Variants in PRR3 observed in about 807,000 individuals in gnomAD.
PRR3 encodes the protein proline-rich protein 3.
A neutral mutation model predicts 22.4 loss-of-function variants in PRR3; 16 were observed. That is an observed-to-expected ratio of 0.71 (90% confidence interval 0.48 to 1.09). PRR3 has a LOEUF of 1.09. Ranked by LOEUF, PRR3 falls within the 50% of genes least tolerant of loss-of-function variation. The pLI is 0.00. For missense variants in PRR3, 224 were observed against 243.4 expected, an observed-to-expected ratio of 0.92 and a Z score of 0.53; for synonymous variants, 87 against 88.6, an observed-to-expected ratio of 0.98 and a Z score of 0.10.
In PRR3 at chr6:30,561,809, T is replaced by G; in HGVS notation, c.170-25T>G. On this transcript the variant is annotated intron_variant, in intron 2 of 3. Transcript: ENST00000376560. This position sits in a 1 kb window ranked among gnomAD's most constrained non-coding sequence, Gnocchi z 4.0. ...CAGCTGCCCATTAGACACCTTTCTG[T>G]GTCTCTCTCTCTCTCTCTCTCCAGC... 1 of 1,503,556 alleles carries G rather than the reference T, an allele frequency of 6.7e-7. No homozygotes were observed. Among genetic ancestry groups the G allele is most frequent in the Non-Finnish European group, 8.9e-7 (1 of 1,126,454 alleles). The allele number at this position is 1,503,556 out of a possible 1,614,324, so 93.1% of individuals were successfully genotyped here. A position where few individuals can be genotyped will look rare whatever the true frequency, so the allele number is the denominator to read the frequency against.
rs1800802864 is a variant in PRR3, at chr6:30,563,705, A to G, written c.*1210A>G. On this transcript the variant is annotated 3_prime_UTR_variant, in exon 4 of 4. Coordinates refer to ENST00000376560, the MANE Select transcript of PRR3 (RefSeq NM_025263.4). ...TTTATATTAGTAATAAATGCAGTGGAAACCAGCATTTTATTTAATCCCTGT... is the reference window on the plus strand; with the variant it reads ...TTTATATTAGTAATAAATGCAGTGGGAACCAGCATTTTATTTAATCCCTGT... The G allele has an allele frequency of 6.6e-6, 1 of 150,896 alleles. No individual in the cohort carries two copies. The highest frequency in any genetic ancestry group is 1.5e-5 in the Non-Finnish European group (1 of 67,864). 9.3% of individuals were successfully genotyped at this position (150,896 alleles called of 1,614,324 possible). A position where few individuals can be genotyped will look rare whatever the true frequency, so the allele number is the denominator to read the frequency against.
Position 30,561,790 on chromosome 6 carries a change from C to A in PRR3, c.170-44C>A. 1 of 1,475,604 alleles carries A rather than the reference C, an allele frequency of 6.8e-7. No homozygotes were observed. The highest frequency in any genetic ancestry group is 2.7e-5 in the Admixed American group (1 of 37,316). The allele number at this position is 1,475,604 out of a possible 1,614,324, so 91.4% of individuals were successfully genotyped here. A position where few individuals can be genotyped will look rare whatever the true frequency, so the allele number is the denominator to read the frequency against. On this transcript the variant is annotated intron_variant, in intron 2 of 3. Transcript: ENST00000376560. This position sits in a 1 kb window ranked among gnomAD's most constrained non-coding sequence, Gnocchi z 4.0. ...ATCACGGTTTATCAGGATTCAGCTG[C>A]CCATTAGACACCTTTCTGTGTCTCT...
chr6:30,561,523 T>C lies in PRR3; in HGVS notation c.170-311T>C. Reference sequence around the variant, plus strand: ...GAATGCAGACTGTATGATTCCATTTTTGTGAAGTTCAAAAACAGGCAAAAA... The same window carrying C: ...GAATGCAGACTGTATGATTCCATTTCTGTGAAGTTCAAAAACAGGCAAAAA... On this transcript the variant is annotated intron_variant, in intron 2 of 3. Coordinates refer to ENST00000376560, the MANE Select transcript of PRR3 (RefSeq NM_025263.4). This position sits in a 1 kb window ranked among gnomAD's most constrained non-coding sequence, Gnocchi z 4.0. 6.8e-6 allele frequency: 4 copies of C among 586,728 alleles called. No homozygotes were observed. The highest frequency in any genetic ancestry group is 6.2e-6 in the Non-Finnish European group (2 of 320,976). 36.3% of individuals were successfully genotyped at this position (586,728 alleles called of 1,614,324 possible).
chr6:30,557,796 A>G (rs1332951679), intron 1 of PRR3, among the ~76,000 whole-genome samples: 6 of 152,206 alleles, frequency 3.9e-5, no homozygotes, highest in Non-Finnish European at 7.3e-5. Flanking sequence ...CTGAAAAGGT[A>G]CAGGTGCAGC....
chr6:30,561,596 G>A lies in PRR3; in HGVS notation c.170-238G>A. On this transcript the variant is annotated intron_variant, in intron 2 of 3. Coordinates refer to ENST00000376560, the MANE Select transcript of PRR3 (RefSeq NM_025263.4). This position sits in a 1 kb window ranked among gnomAD's most constrained non-coding sequence, Gnocchi z 4.0. ...TGGTTACCTTTGGGGAGGAGGGTGG[G>A]TAATGGGAAAAGGGGCACAAGGGGA... 1.7e-6 allele frequency: 1 copy of A among 601,024 alleles called. No individual in the cohort carries two copies. The highest frequency in any genetic ancestry group is 2.8e-5 in the East Asian group (1 of 35,772). 37.2% of individuals were successfully genotyped at this position (601,024 alleles called of 1,614,324 possible).
In PRR3 at chr6:30,562,830, T is replaced by G. The variant is rs370002049; in HGVS notation, c.*335T>G. 1.6e-4 allele frequency: 36 copies of G among 221,368 alleles called. 3 individuals are homozygous for G. The highest frequency in any genetic ancestry group is 1.1e-3 in the East Asian group (11 of 10,156). 13.7% of individuals were successfully genotyped at this position (221,368 alleles called of 1,614,324 possible). ...GCTGTTTCTTGTGCATCTGTCCACC[T>G]GTTCCCCAGTATTGCCCTCAATTCC... On this transcript the variant is annotated 3_prime_UTR_variant, in exon 4 of 4. Transcript: ENST00000376560.
Position 30,561,981 on chromosome 6 carries a change from C to A in PRR3, c.317C>A (p.Ala106Glu). The A allele has an allele frequency of 6.2e-7, 1 of 1,613,068 alleles. No homozygotes were observed. The highest frequency in any genetic ancestry group is 8.5e-7 in the Non-Finnish European group (1 of 1,180,034). The change falls in exon 3 of 4, where the codon GCA becomes GAA. Residue 106 changes from alanine to glutamate, a missense_variant. Coordinates refer to ENST00000376560, the MANE Select transcript of PRR3 (RefSeq NM_025263.4). This position sits in a 1 kb window ranked among gnomAD's most constrained non-coding sequence, Gnocchi z 4.0. ...PYGRGWWGVN[A>E]EPPFPGPGHG... is the part of the protein sequence containing the mutation. ...GGTCGTGGTTGGTGGGGAGTCAATGCAGAACCTCCTTTTCCGGGGCCAGGC... is the reference window on the plus strand; with the variant it reads ...GGTCGTGGTTGGTGGGGAGTCAATGAAGAACCTCCTTTTCCGGGGCCAGGC...
In PRR3 at chr6:30,561,351, TGTCCATCATCA is replaced by T. The variant is rs1027443301; in HGVS notation, c.170-480_170-470del. 1.7e-5 allele frequency: 8 copies of T among 460,426 alleles called. No homozygotes were observed. The Admixed American group carries it at 1.9e-4, about 11-fold the overall frequency. 28.5% of individuals were successfully genotyped at this position (460,426 alleles called of 1,614,324 possible). A position where few individuals can be genotyped will look rare whatever the true frequency, so the allele number is the denominator to read the frequency against. On this transcript the variant is annotated intron_variant, in intron 2 of 3. Coordinates refer to ENST00000376560, the MANE Select transcript of PRR3 (RefSeq NM_025263.4). The surrounding 1 kb of genome is among the most constrained non-coding windows in gnomAD (Gnocchi z 4.0). Reference sequence around the variant, plus strand: ...AGCCCCAAACTGGATACCACCCACATGTCCATCATCAGTAGAATGGATAAATAAATTGTTGT... The same window carrying T: ...AGCCCCAAACTGGATACCACCCACATGTAGAATGGATAAATAAATTGTTGT...
In PRR3 at chr6:30,557,389, G is replaced by A. The variant is rs1242148540; in HGVS notation, c.45G>A (p.Gln15=). Residue 15 remains glutamine (Q), a synonymous_variant, in exon 1 of 4, where the codon CAG becomes CAA. Transcript: ENST00000376560. ...AGAATCATCACCAGCCACCGACACA[G>A]CAGCAGCCCCCGCTGCCCGAGCGGG... ...KKQNHHQPPT[Q]QQPPLPEREE... The A allele has an allele frequency of 6.2e-6, 10 of 1,612,616 alleles. No individual in the cohort carries two copies. Among genetic ancestry groups the A allele is most frequent in the Non-Finnish European group, 8.5e-6 (10 of 1,179,946 alleles).
upstream of PRR3, chr6:30,557,045 A>G: frequency 1.4e-6 from 1 of 700,628 alleles, no homozygotes; most frequent in South Asian, 1.5e-5. Context: ...TCTGTGACAC[A>G]CTCTGAGGAG....
chr6:30,557,386 A>G lies in PRR3; in HGVS notation c.42A>G (p.Thr14=). ...RKKQNHHQPP[T]QQQPPLPERE... ...AGCAGAATCATCACCAGCCACCGAC[A>G]CAGCAGCAGCCCCCGCTGCCCGAGC... Residue 14 remains threonine, a synonymous_variant, in exon 1 of 4, where the codon ACA becomes ACG. Coordinates refer to ENST00000376560, the MANE Select transcript of PRR3 (RefSeq NM_025263.4). 6.2e-7 allele frequency: 1 copy of G among 1,612,810 alleles called. No homozygotes were observed. The highest frequency in any genetic ancestry group is 8.5e-7 in the Non-Finnish European group (1 of 1,179,990).
Position 30,561,491 on chromosome 6 carries a change from C to T in PRR3, c.170-343C>T. The T allele has an allele frequency of 1.8e-6, 1 of 551,414 alleles. No individual in the cohort carries two copies. Among genetic ancestry groups the T allele is most frequent in the Non-Finnish European group, 3.4e-6 (1 of 292,088 alleles). The allele number at this position is 551,414 out of a possible 1,614,324, so 34.2% of individuals were successfully genotyped here. On this transcript the variant is annotated intron_variant, in intron 2 of 3. Coordinates refer to ENST00000376560, the MANE Select transcript of PRR3 (RefSeq NM_025263.4). The surrounding 1 kb of genome is among the most constrained non-coding windows in gnomAD (Gnocchi z 4.0). ...ATGATGTTGAGCGAAAGGAGCCAGA[C>T]ATAAAAGAATGCAGACTGTATGATT...
At chr6:30,562,368 T>C in intron 3 of PRR3, 21 bp from the exon 4 acceptor site, 1 of 1,581,122 alleles carries the variant, frequency 6.3e-7, no homozygotes, top group Non-Finnish European at 8.7e-7. Flanking sequence ...TTTTAACTGT[T>C]CCATTTTCAC....
At position 30,562,857 on chromosome 6, in the gene PRR3, G is replaced by A. The variant is rs1800733369; in HGVS notation, c.*362G>A. 5.3e-6 allele frequency: 1 copy of A among 187,070 alleles called. No homozygotes were observed. Among genetic ancestry groups the A allele is most frequent in the Non-Finnish European group, 1.1e-5 (1 of 91,234 alleles). The allele number at this position is 187,070 out of a possible 1,614,324, so 11.6% of individuals were successfully genotyped here. A position where few individuals can be genotyped will look rare whatever the true frequency, so the allele number is the denominator to read the frequency against. On this transcript the variant is annotated 3_prime_UTR_variant, in exon 4 of 4. Transcript: ENST00000376560. The stretch of plus-strand genomic sequence containing the variant: ...TTCCCCAGTATTGCCCTCAATTCCT[G>A]AGAGCCCTGGAGCGGTTTCCTACCA...
Position 30,561,611 on chromosome 6 carries a change from G to A in PRR3, c.170-223G>A, listed in dbSNP as rs923431089. The A allele has an allele frequency of 7.5e-5, 45 of 602,102 alleles. No homozygotes were observed. Among genetic ancestry groups the A allele is most frequent in the Admixed American group, 1.2e-4 (4 of 33,012 alleles). 37.3% of individuals were successfully genotyped at this position (602,102 alleles called of 1,614,324 possible). A position where few individuals can be genotyped will look rare whatever the true frequency, so the allele number is the denominator to read the frequency against. Reference sequence around the variant, plus strand: ...AGGAGGGTGGGTAATGGGAAAAGGGGCACAAGGGGAGGATCTTTTGAGGTG... The same window carrying A: ...AGGAGGGTGGGTAATGGGAAAAGGGACACAAGGGGAGGATCTTTTGAGGTG... On this transcript the variant is annotated intron_variant, in intron 2 of 3. Transcript: ENST00000376560. This position sits in a 1 kb window ranked among gnomAD's most constrained non-coding sequence, Gnocchi z 4.0.
Position 30,562,536 on chromosome 6 carries a change from A to G in PRR3, c.*41A>G, listed in dbSNP as rs1371327830. 1 of 1,277,410 alleles carries G rather than the reference A, an allele frequency of 7.8e-7. No individual in the cohort carries two copies. The highest frequency in any genetic ancestry group is 1.1e-6 in the Non-Finnish European group (1 of 879,190). The allele number at this position is 1,277,410 out of a possible 1,614,324, so 79.1% of individuals were successfully genotyped here. On this transcript the variant is annotated 3_prime_UTR_variant, in exon 4 of 4. Coordinates refer to ENST00000376560, the MANE Select transcript of PRR3 (RefSeq NM_025263.4). ...TCCAGGCTGGAAGGAGCTCTCTGTG[A>G]CCTAGCGGCCATTTATTTCTCTGTA...
chr6:30,557,499 C>T (rs1289027566), intron 1 of PRR3, 49 bp downstream of exon 1: 4 of 1,372,982 alleles, frequency 2.9e-6, no homozygotes, highest in Non-Finnish European at 3.1e-6. Context: ...CCCGTCCGGG[C>T]AAGGGGCTAG....
rs1394176132 is a variant in PRR3, at chr6:30,562,442, T to C, written c.514T>C (p.Tyr172His). ...RHFAKKGHCRYEDLCAFYHPG... is the reference protein window; with the variant it reads ...RHFAKKGHCRHEDLCAFYHPG... Reference sequence around the variant, plus strand: ...TTTTGCCAAAAAGGGCCACTGTCGATATGAGGACCTCTGTGCCTTCTACCA... The same window carrying C: ...TTTTGCCAAAAAGGGCCACTGTCGACATGAGGACCTCTGTGCCTTCTACCA... The change falls in exon 4 of 4, where the codon TAT becomes CAT. Residue 172 changes from tyrosine to histidine, a missense_variant. Coordinates refer to ENST00000376560, the MANE Select transcript of PRR3 (RefSeq NM_025263.4). 2 of 1,614,214 alleles carry C rather than the reference T, an allele frequency of 1.2e-6. No individual in the cohort carries two copies. Among genetic ancestry groups the C allele is most frequent in the African/African-American group, 1.3e-5 (1 of 75,072 alleles).
At position 30,561,549 on chromosome 6, in the gene PRR3, C is replaced by T; in HGVS notation, c.170-285C>T. Reference sequence around the variant, plus strand: ...TGTGAAGTTCAAAAACAGGCAAAAACTAACCTATGGTGTCAGGATAGTGGT... The same window carrying T: ...TGTGAAGTTCAAAAACAGGCAAAAATTAACCTATGGTGTCAGGATAGTGGT... On this transcript the variant is annotated intron_variant, in intron 2 of 3. Coordinates refer to ENST00000376560, the MANE Select transcript of PRR3 (RefSeq NM_025263.4). The surrounding 1 kb of genome is among the most constrained non-coding windows in gnomAD (Gnocchi z 4.0). 1.6e-6 allele frequency: 1 copy of T among 608,646 alleles called. No individual in the cohort carries two copies. The highest frequency in any genetic ancestry group is 1.8e-5 in the African/African-American group (1 of 54,724). 37.7% of individuals were successfully genotyped at this position (608,646 alleles called of 1,614,324 possible).
Sources: allele counts gnomAD v4.1 joint callset (sites outside exome capture counted in the v4.1 genomes callset), GRCh38; gene constraint gnomAD v4.1.1; non-coding constraint Gnocchi (gnomAD v3.1); transcripts MANE v1.5; gene names NCBI Gene and HGNC (gene_info 2026-07-23, HGNC 2026-07-21).